The following NINJ2 variants were observed in gnomAD, a reference collection of about 807,000 sequenced individuals.
NINJ2 encodes the protein ninjurin-2.
NINJ2 carries 12 observed loss-of-function variants against 11.7 expected under a neutral mutation model. That is an observed-to-expected ratio of 1.02 (90% CI 0.66 to 1.66). The LOEUF (loss-of-function observed/expected upper bound fraction) is 1.66. Ranked by LOEUF, NINJ2 falls within the 40% of genes most tolerant of loss-of-function variation. The pLI is 0.00. For synonymous variants in NINJ2, 93 were observed against 76.8 expected (o/e 1.21, Z -1.10); for missense variants, 187 against 181.8 (o/e 1.03, Z -0.16).
At chr12:637,640 CAAAAA>C (rs1237593355) in intron 1 of NINJ2, among the ~76,000 whole-genome samples, 1 of 90,896 alleles carries the variant, frequency 1.1e-5, no homozygotes. Context: ...GACTCCATCT[CAAAAA>C]AAAAAAAAAA....
At chr12:571,114 AAGACTCAT>A (rs1257607909) in intron 1 of NINJ2, among the ~76,000 whole-genome samples, 1 of 152,196 alleles carries the variant, frequency 6.6e-6, no homozygotes, top group African/African-American at 2.4e-5. Context: ...ACACTGACCC[AAGACTCAT>A]AGCTTTGGGC....
chr12:635,833 G>A (rs895197267), intron 1 of NINJ2, among the ~76,000 whole-genome samples: 1 of 152,364 alleles, frequency 6.6e-6, no homozygotes, highest in African/African-American at 2.4e-5. Flanking sequence ...CCAGCACTTC[G>A]GGAGGCCGAG....
intron 1 of NINJ2, among the ~76,000 whole-genome samples, chr12:575,623 C>G (rs1348343487): frequency 1.3e-5 from 2 of 152,232 alleles, no homozygotes; most frequent in African/African-American, 2.4e-5. Flanking sequence ...CTGCTGCCCA[C>G]TTTAGCACAC....
At chr12:567,276 A>G (rs1947313868) in intron 1 of NINJ2, among the ~76,000 whole-genome samples, 1 of 151,134 alleles carries the variant, frequency 6.6e-6, no homozygotes, top group African/African-American at 2.5e-5. Context: ...GAGGTAGGGA[A>G]GATGACCCAG....
At chr12:579,236 T>A (rs887528391) in intron 1 of NINJ2, among the ~76,000 whole-genome samples, 15 of 152,182 alleles carry the variant, frequency 9.9e-5, no homozygotes, top group Admixed American at 7.9e-4. Flanking sequence ...GTAGATCAGA[T>A]CTGACAGTGA....
At chr12:651,640 C>CT (rs1937787266) in intron 1 of NINJ2, among the ~76,000 whole-genome samples, 1 of 152,194 alleles carries the variant, frequency 6.6e-6, no homozygotes, top group South Asian at 2.1e-4. Flanking sequence ...GGATATTGGA[C>CT]TTTATCAGAC....
intron 1 of NINJ2, among the ~76,000 whole-genome samples, chr12:617,394 C>T (rs1948105688): frequency 1.3e-5 from 2 of 152,176 alleles, no homozygotes; most frequent in African/African-American, 2.4e-5. Flanking sequence ...TGCTGAGAAT[C>T]CTTCCTTCTA....
chr12:625,931 T>C (rs1948206333), intron 1 of NINJ2, among the ~76,000 whole-genome samples: 1 of 152,232 alleles, frequency 6.6e-6, no homozygotes, highest in Non-Finnish European at 1.5e-5. Context: ...CCACAGCTTC[T>C]TGTACCAAGT....
rs1290044899 is a variant in NINJ2 at position 580,486 on chromosome 12, G to A, written c.34-14308C>T. Among the ~76,000 whole-genome samples, 2 of 152,116 alleles carry A rather than the reference G, an allele frequency of 1.3e-5. No individual in the cohort carries two copies. The highest frequency in any genetic ancestry group is 1.9e-4 in the East Asian group (1 of 5,184). On this transcript the variant is annotated intron_variant, in intron 1 of 3. Coordinates refer to ENST00000305108, the MANE Select transcript of NINJ2 (RefSeq NM_016533.6). This position sits in a 1 kb window ranked among gnomAD's most constrained non-coding sequence, Gnocchi z 4.7. ...GCCTATAATTCCAGCTACTCGGGAG[G>A]CTGAGGCAGGAGAATCACTTGAACC...
chr12:638,667 G>A (rs1203011262), intron 1 of NINJ2, among the ~76,000 whole-genome samples: 4 of 152,136 alleles, frequency 2.6e-5, no homozygotes, highest in South Asian at 2.1e-4. Flanking sequence ...CGCCCGCCTC[G>A]GCCTCCCAAA....
chr12:610,672 A>T, intron 1 of NINJ2: 2 of 981,698 alleles, frequency 2.0e-6, no homozygotes, highest in Non-Finnish European at 1.2e-6. Context: ...CTTCAACTCA[A>T]CCTTGTTTAG....
chr12:568,909 G>C (rs1947340060), intron 1 of NINJ2, among the ~76,000 whole-genome samples: 2 of 127,120 alleles, frequency 1.6e-5, no homozygotes, highest in Non-Finnish European at 1.6e-5. Flanking sequence ...GTAAGCACTG[G>C]GCCACAGGCT....
At chr12:605,902 C>T (rs1592092814) in intron 1 of NINJ2, among the ~76,000 whole-genome samples, 1 of 151,502 alleles carries the variant, frequency 6.6e-6, no homozygotes, top group East Asian at 1.9e-4. Flanking sequence ...AGATGGAGAC[C>T]AAAATAAAGA....
intron 1 of NINJ2, among the ~76,000 whole-genome samples, chr12:600,119 ATTCCTCGGGGC>A (rs1947847727): frequency 6.6e-6 from 1 of 152,132 alleles, no homozygotes; most frequent in African/African-American, 2.4e-5. Context: ...CCAAGCTTCA[ATTCCTCGGGGC>A]TGAATTTCTC....
At position 580,788 on chromosome 12, in the gene NINJ2, T is replaced by A. The variant is rs1947538449; in HGVS notation, c.34-14610A>T. ...TCCATATGCCACGGCAGCCACAATG[T>A]GTTTTCTGTGTGTGTGTGTCTGTGT... is the stretch of plus-strand genomic sequence containing the variant. On this transcript the variant is annotated intron_variant, in intron 1 of 3. Transcript: ENST00000305108. The surrounding 1 kb of genome is among the most constrained non-coding windows in gnomAD (Gnocchi z 4.7). 6.6e-6 allele frequency among the ~76,000 whole-genome samples: 1 copy of A among 151,870 alleles called. No individual in the cohort carries two copies. Among genetic ancestry groups the A allele is most frequent in the African/African-American group, 2.4e-5 (1 of 41,326 alleles).
chr12:632,395 T>C (rs567557120), intron 1 of NINJ2: 6 of 152,306 alleles, frequency 3.9e-5, no homozygotes, highest in South Asian at 4.1e-4. Context: ...GAGGGTAAAA[T>C]TGCAGCTAGC....
At chr12:609,462 C>T (rs1171883550) in intron 1 of NINJ2, among the ~76,000 whole-genome samples, 1 of 152,126 alleles carries the variant, frequency 6.6e-6, no homozygotes, top group African/African-American at 2.4e-5. Flanking sequence ...GCATTATCAT[C>T]CTTTTATTTA....
chr12:661,917 G>A (rs547304245), intron 1 of NINJ2, among the ~76,000 whole-genome samples: 1 of 152,348 alleles, frequency 6.6e-6, no homozygotes, highest in East Asian at 1.9e-4. Flanking sequence ...CACTCGGGCT[G>A]CAGCAGTGAA....
intron 1 of NINJ2, among the ~76,000 whole-genome samples, chr12:611,108 T>C (rs1180223838): frequency 6.6e-6 from 1 of 152,244 alleles, no homozygotes; most frequent in East Asian, 1.9e-4. Context: ...CTTCCTTTTC[T>C]GTGCCCTAAG....
Sources: gnomAD v4.1 joint callset for allele counts (sites outside exome capture counted in the v4.1 genomes callset) on GRCh38, gnomAD v4.1.1 for gene constraint, Gnocchi (gnomAD v3.1) non-coding constraint, MANE v1.5 for transcripts, NCBI Gene and HGNC (gene_info 2026-07-23, HGNC 2026-07-21) for gene names.